Variants in TM4SF4 observed in about 807,000 individuals in gnomAD.
TM4SF4 encodes the protein transmembrane 4 L6 family member 4.
Under a neutral mutation model 24.1 loss-of-function variants are expected in TM4SF4, and 24 were observed. That is an observed-to-expected ratio of 1.00 (90% CI 0.72 to 1.40). The LOEUF (loss-of-function observed/expected upper bound fraction) is 1.40. TM4SF4 is among the 40% of genes most tolerant of loss of function. TM4SF4 has a pLI of 0.00. For synonymous variants in TM4SF4, 113 were observed against 97.0 expected (o/e 1.17, Z -0.97); for missense variants, 254 against 254.2 (o/e 1.00, Z 0.01).
At position 149,487,775 on chromosome 3, in the gene TM4SF4, T is replaced by A. The variant is rs749542367; in HGVS notation, c.401+20T>A. On this transcript the variant is annotated intron_variant, in intron 3 of 4. Transcript: ENST00000305354. ...CGACGGGTAAGGCCACACCCTGCAA[T>A]GCCCACCTGTCACCACAAGGGGCAT... is the stretch of plus-strand genomic sequence containing the variant. 18 of 1,612,198 alleles carry A rather than the reference T, an allele frequency of 1.1e-5. No individual in the cohort carries two copies. The highest frequency in any genetic ancestry group is 1.4e-5 in the Non-Finnish European group (17 of 1,178,554).
chr3:149,475,719 C>A (rs1733915938), intron 1 of TM4SF4, 104 bp from the exon 2 acceptor site: 1 of 926,796 alleles, frequency 1.1e-6, no homozygotes, highest in Non-Finnish European at 1.7e-6. Context: ...TCCCTTTGGG[C>A]CTCCAAATCC....
intron 2 of TM4SF4, among the ~76,000 whole-genome samples, chr3:149,485,391 G>A (rs1217189691): frequency 1.3e-5 from 2 of 152,136 alleles, no homozygotes; most frequent in Non-Finnish European, 2.9e-5. Flanking sequence ...TGAATGTTCT[G>A]GATGCTGAGA....
intron 2 of TM4SF4, among the ~76,000 whole-genome samples, chr3:149,476,911 C>T (rs1478275194): frequency 2.7e-5 from 4 of 150,160 alleles, no homozygotes; most frequent in Non-Finnish European, 5.9e-5. Context: ...AGTGATTCTC[C>T]CACCTCAGCC....
intron 2 of TM4SF4, among the ~76,000 whole-genome samples, chr3:149,483,761 A>G (rs1160465492): frequency 1.3e-5 from 2 of 152,148 alleles, no homozygotes; most frequent in Non-Finnish European, 2.9e-5. Flanking sequence ...TTGATTGTGA[A>G]CTGACATTTC....
chr3:149,492,516 C>T (rs953925948), intron 3 of TM4SF4, among the ~76,000 whole-genome samples: 3 of 152,110 alleles, frequency 2.0e-5, no homozygotes, highest in African/African-American at 7.2e-5. Flanking sequence ...TCCCTTGACC[C>T]TGAGCTGCTG....
chr3:149,502,799 G>A lies in TM4SF4; in HGVS notation c.*106G>A. 1 of 840,340 alleles carries A rather than the reference G, an allele frequency of 1.2e-6. No homozygotes were observed. The highest frequency in any genetic ancestry group is 2.7e-5 in the East Asian group (1 of 37,470). The allele number at this position is 840,340 out of a possible 1,614,324, so 52.1% of individuals were successfully genotyped here. Reference sequence around the variant, plus strand: ...ATTAATTCCTATCTGCTTCCTAGCTGATAAAGCTTAGAAAAGGCAGTTATT... The same window carrying A: ...ATTAATTCCTATCTGCTTCCTAGCTAATAAAGCTTAGAAAAGGCAGTTATT... On this transcript the variant is annotated 3_prime_UTR_variant, in exon 5 of 5. Transcript: ENST00000305354.
intron 3 of TM4SF4, chr3:149,495,616 A>T (rs907549639): frequency 3.0e-6 from 1 of 337,334 alleles, no homozygotes; most frequent in Non-Finnish European, 6.0e-6. Flanking sequence ...AGCAAAAATG[A>T]CCCACCAATG....
chr3:149,475,429 G>A (rs1287036388), intron 1 of TM4SF4, among the ~76,000 whole-genome samples: 1 of 152,188 alleles, frequency 6.6e-6, no homozygotes, highest in Non-Finnish European at 1.5e-5. Context: ...ATGAGAAGCT[G>A]TTGTCAGTGT....
At chr3:149,480,528 G>A (rs1241835347) in intron 2 of TM4SF4, among the ~76,000 whole-genome samples, 3 of 152,090 alleles carry the variant, frequency 2.0e-5, no homozygotes, top group Non-Finnish European at 4.4e-5. Context: ...AAAGGTCTTG[G>A]TCAGGTCCTA....
intron 2 of TM4SF4, among the ~76,000 whole-genome samples, chr3:149,485,823 C>A (rs540315710): frequency 7.5e-6 from 1 of 133,070 alleles, no homozygotes; most frequent in East Asian, 2.0e-4. Flanking sequence ...AACAAAAAAA[C>A]CTATGCATTA....
chr3:149,502,058 G>T (rs1474571520), intron 4 of TM4SF4, among the ~76,000 whole-genome samples: 2 of 152,262 alleles, frequency 1.3e-5, no homozygotes, highest in South Asian at 2.1e-4. Context: ...TCCTTAGAAG[G>T]CTCAGTAAAT....
At chr3:149,476,018 C>A in intron 2 of TM4SF4, 106 bp downstream of exon 2, 1 of 893,546 alleles carries the variant, frequency 1.1e-6, no homozygotes. Flanking sequence ...AGCCAGGACT[C>A]TGGGAGCAGC....
intron 4 of TM4SF4, among the ~76,000 whole-genome samples, chr3:149,501,626 A>C (rs1014559111): frequency 6.6e-6 from 1 of 152,206 alleles, no homozygotes; most frequent in Non-Finnish European, 1.5e-5. Flanking sequence ...CTGGCCTCTC[A>C]TGGGGCTGGT....
chr3:149,502,278 T>A lies in TM4SF4; in HGVS notation c.592-398T>A, dbSNP rs192972280. Among the ~76,000 whole-genome samples, 9 of 152,298 alleles carry A rather than the reference T, an allele frequency of 5.9e-5. No individual in the cohort carries two copies. The East Asian group carries it at 1.5e-3, about 26-fold the overall frequency. On this transcript the variant is annotated intron_variant, in intron 4 of 4. Coordinates refer to ENST00000305354, the MANE Select transcript of TM4SF4 (RefSeq NM_004617.4). ...AATGATGCATATTGTATACAATGTA[T>A]TCTCCTCAGGTGATGGGTGCACTGC...
chr3:149,493,772 G>C (rs1734259610), intron 3 of TM4SF4, among the ~76,000 whole-genome samples: 1 of 152,192 alleles, frequency 6.6e-6, no homozygotes. Flanking sequence ...CAGGGGCTCT[G>C]TACAACAGGG....
intron 2 of TM4SF4, among the ~76,000 whole-genome samples, chr3:149,481,134 A>G (rs761565849): frequency 7.2e-5 from 11 of 152,190 alleles, no homozygotes; most frequent in Non-Finnish European, 1.0e-4. Flanking sequence ...TGCTGGGATT[A>G]CAGTAGTGAG....
chr3:149,501,825 C>T (rs73867360), intron 4 of TM4SF4, among the ~76,000 whole-genome samples: 4,952 of 152,316 alleles, frequency 0.033, 82 homozygotes, highest in Middle Eastern at 0.054. Flanking sequence ...AAAGTATTTA[C>T]TGAGAGCTTC....
intron 2 of TM4SF4, among the ~76,000 whole-genome samples, chr3:149,480,064 A>G (rs755107711): frequency 3.3e-5 from 5 of 152,182 alleles, no homozygotes; most frequent in Admixed American, 6.5e-5. Context: ...CTGAGCTCCA[A>G]AGGCCTGCGC....
At chr3:149,486,369 T>A (rs941812257) in intron 2 of TM4SF4, among the ~76,000 whole-genome samples, 2 of 152,338 alleles carry the variant, frequency 1.3e-5, no homozygotes, top group African/African-American at 4.8e-5. Flanking sequence ...AGCTGAGATA[T>A]GAGCCTGGGT....
Sources: gnomAD v4.1 joint callset for allele counts (sites outside exome capture counted in the v4.1 genomes callset) on GRCh38, gnomAD v4.1.1 for gene constraint, MANE v1.5 for transcripts, NCBI Gene and HGNC (gene_info 2026-07-23, HGNC 2026-07-21) for gene names.